The following KCNIP4 variants were observed in gnomAD, a reference collection of about 807,000 sequenced individuals.
KCNIP4 encodes the protein Kv channel-interacting protein 4.
Under a neutral mutation model 34.0 loss-of-function variants are expected in KCNIP4, and 12 were observed. The observed-to-expected ratio is 0.35, with a 90% CI of 0.23 to 0.57. The LOEUF is 0.57. Ranked by LOEUF, KCNIP4 falls within the 20% of genes least tolerant of loss-of-function variation. The pLI, the probability that KCNIP4 is intolerant of heterozygous loss-of-function variation, is 0.83. For synonymous variants in KCNIP4, 124 were observed against 102.2 expected, an observed-to-expected ratio of 1.21 and a Z score of -1.29; for missense variants, 238 against 311.7, an observed-to-expected ratio of 0.76 and a Z score of 1.78.
At chr4:21,899,515 TATG>T (rs1727589234) in intron 1 of KCNIP4, among the ~76,000 whole-genome samples, 1 of 151,870 alleles carries the variant, frequency 6.6e-6, no homozygotes, top group Admixed American at 6.6e-5. Context: ...TTGAAGATAA[TATG>T]ATCTTATAGT....
At chr4:20,856,127 T>C (rs2149489444) in intron 2 of KCNIP4, among the ~76,000 whole-genome samples, 1 of 152,360 alleles carries the variant, frequency 6.6e-6, no homozygotes, top group East Asian at 1.9e-4. Flanking sequence ...ATGTTGCTTT[T>C]AGACTGCTGT....
intron 1 of KCNIP4, among the ~76,000 whole-genome samples, chr4:21,466,538 G>T (rs996886043): frequency 6.6e-6 from 1 of 152,068 alleles, no homozygotes; most frequent in African/African-American, 2.4e-5. Context: ...ATAAGCTGTG[G>T]CACTAAGGGA....
chr4:21,234,028 T>C lies in KCNIP4; in HGVS notation c.62-351319A>G, dbSNP rs189314985. 7.2e-3 allele frequency among the ~76,000 whole-genome samples: 754 copies of C among 105,364 alleles called. 41 individuals are homozygous for C. Among genetic ancestry groups the C allele is most frequent in the African/African-American group, 0.046 (712 of 15,536 alleles). 69.1% of individuals were successfully genotyped at this position (105,364 alleles called of 152,430 possible). A position where few individuals can be genotyped will look rare whatever the true frequency, so the allele number is the denominator to read the frequency against. On this transcript the variant is annotated intron_variant, in intron 1 of 8. Transcript: ENST00000382152. Reference sequence around the variant, plus strand: ...TATAACATATATAACATATATTATATATAACATATATAACATATATAACAC... The same window carrying C: ...TATAACATATATAACATATATTATACATAACATATATAACATATATAACAC...
intron 2 of KCNIP4, among the ~76,000 whole-genome samples, chr4:20,859,110 G>T (rs1160770022): frequency 6.6e-6 from 1 of 152,182 alleles, no homozygotes; most frequent in Non-Finnish European, 1.5e-5. Flanking sequence ...ATATGCCGGG[G>T]CACCTTCAGG....
At chr4:20,819,712 T>C (rs1253149692) in intron 3 of KCNIP4, among the ~76,000 whole-genome samples, 3 of 152,208 alleles carry the variant, frequency 2.0e-5, no homozygotes, top group Non-Finnish European at 4.4e-5. Flanking sequence ...GCCTCATTAA[T>C]GGGATTAGTG....
chr4:21,676,181 T>C (rs1160847472), intron 1 of KCNIP4, among the ~76,000 whole-genome samples: 2 of 152,122 alleles, frequency 1.3e-5, no homozygotes, highest in African/African-American at 4.8e-5. Context: ...ATCAACATTT[T>C]TGAAACTTTT....
chr4:21,843,345 A>T (rs974996010), intron 1 of KCNIP4: 1 of 152,056 alleles, frequency 6.6e-6, no homozygotes, highest in Non-Finnish European at 1.5e-5. Context: ...CATTTTGCAG[A>T]TGAGGAAACC....
At chr4:21,452,957 T>C (rs1728636409) in intron 1 of KCNIP4, among the ~76,000 whole-genome samples, 1 of 152,158 alleles carries the variant, frequency 6.6e-6, no homozygotes. Flanking sequence ...TATATACTTA[T>C]TCAAGAAGAG....
chr4:21,003,462 A>G (rs1738306643), intron 1 of KCNIP4, among the ~76,000 whole-genome samples: 1 of 152,234 alleles, frequency 6.6e-6, no homozygotes, highest in African/African-American at 2.4e-5. Flanking sequence ...TGATCAATAA[A>G]CAACAAAGCT....
intron 1 of KCNIP4, among the ~76,000 whole-genome samples, chr4:21,786,864 C>T (rs1009579849): frequency 3.3e-5 from 5 of 152,010 alleles, no homozygotes; most frequent in Admixed American, 6.6e-5. Context: ...CGTGCCCCGC[C>T]GAGAGTAACT....
At chr4:20,854,008 G>A (rs1721314442) in intron 2 of KCNIP4, among the ~76,000 whole-genome samples, 1 of 152,078 alleles carries the variant, frequency 6.6e-6, no homozygotes, top group Non-Finnish European at 1.5e-5. Context: ...TGGTGTGGAT[G>A]CGGTGAACAG....
At chr4:21,435,876 T>G (rs1726899998) in intron 1 of KCNIP4, among the ~76,000 whole-genome samples, 1 of 152,176 alleles carries the variant, frequency 6.6e-6, no homozygotes, top group African/African-American at 2.4e-5. Flanking sequence ...ACCTTTAAAT[T>G]GCTCTAATCT....
At chr4:21,238,663 A>G (rs962954805) in intron 1 of KCNIP4, among the ~76,000 whole-genome samples, 8 of 152,302 alleles carry the variant, frequency 5.3e-5, no homozygotes, top group Non-Finnish European at 8.8e-5. Context: ...TAGGAATCCA[A>G]CTTACAAGGG....
intron 1 of KCNIP4, among the ~76,000 whole-genome samples, chr4:21,675,905 C>G (rs1749854472): frequency 6.6e-6 from 1 of 152,116 alleles, no homozygotes; most frequent in Non-Finnish European, 1.5e-5. Flanking sequence ...TATCATATAC[C>G]TGGAGGACTT....
At chr4:20,903,332 A>G (rs1402973853) in intron 1 of KCNIP4, among the ~76,000 whole-genome samples, 1 of 152,150 alleles carries the variant, frequency 6.6e-6, no homozygotes, top group Non-Finnish European at 1.5e-5. Flanking sequence ...ACGTTCAAAT[A>G]TGACACTTTG....
chr4:20,844,678 C>T (rs1720151602), intron 3 of KCNIP4, among the ~76,000 whole-genome samples: 1 of 152,190 alleles, frequency 6.6e-6, no homozygotes, highest in Non-Finnish European at 1.5e-5. Flanking sequence ...CTCCTCTTTC[C>T]TTTCCCACCA....
At chr4:21,612,775 C>A (rs181401066) in intron 1 of KCNIP4, among the ~76,000 whole-genome samples, 4 of 152,244 alleles carry the variant, frequency 2.6e-5, no homozygotes, top group Admixed American at 2.0e-4. Context: ...CAATGGCTTC[C>A]AGCACAGCAG....
At chr4:21,430,053 C>T (rs776117363) in intron 1 of KCNIP4, among the ~76,000 whole-genome samples, 19 of 152,036 alleles carry the variant, frequency 1.2e-4, no homozygotes, top group Non-Finnish European at 2.5e-4. Flanking sequence ...CAATGACAAA[C>T]CTAAGATAGT....
At chr4:20,989,790 G>C (rs2149704354) in intron 1 of KCNIP4, among the ~76,000 whole-genome samples, 1 of 152,206 alleles carries the variant, frequency 6.6e-6, no homozygotes, top group East Asian at 1.9e-4. Context: ...GCAACATGGA[G>C]AAACCCTATC....
Sources: allele counts gnomAD v4.1 joint callset (sites outside exome capture counted in the v4.1 genomes callset), GRCh38; gene constraint gnomAD v4.1.1; transcripts MANE v1.5; gene names NCBI Gene and HGNC (gene_info 2026-07-23, HGNC 2026-07-21).